ANGPTL8: variants seen among roughly 807,000 people sequenced by gnomAD.
ANGPTL8 encodes the protein angiopoietin-like protein 8.
Under a neutral mutation model 22.6 loss-of-function variants are expected in ANGPTL8, and 24 were observed. That is an observed-to-expected ratio of 1.06 (90% CI 0.77 to 1.49). The LOEUF (loss-of-function observed/expected upper bound fraction) is 1.49, where lower values mean the gene tolerates loss of function less well. ANGPTL8 is among the 40% of genes most tolerant of loss of function. The pLI, the probability that ANGPTL8 is intolerant of heterozygous loss-of-function variation, is 0.00. For synonymous variants in ANGPTL8, 88 were observed against 113.4 expected, an observed-to-expected ratio of 0.78 and a Z score of 1.42; for missense variants, 230 against 259.6, an observed-to-expected ratio of 0.89 and a Z score of 0.78.
Position 11,241,870 on chromosome 19 carries a change from G to A in ANGPTL8, c.*183G>A. ...AAAGGCAGAGGATGTAGCCCCATTG[G>A]GGAGGGGTGGAGGAAGGACATGTAC... On this transcript the variant is annotated 3_prime_UTR_variant, in exon 4 of 4. Transcript: ENST00000252453. The A allele has an allele frequency of 7.9e-7, 1 of 1,268,722 alleles. No individual in the cohort carries two copies. Among genetic ancestry groups the A allele is most frequent in the Non-Finnish European group, 1.1e-6 (1 of 908,166 alleles). 78.6% of individuals were successfully genotyped at this position (1,268,722 alleles called of 1,614,324 possible). A position where few individuals can be genotyped will look rare whatever the true frequency, so the allele number is the denominator to read the frequency against.
rs188425742 is a variant in ANGPTL8 at position 11,240,888 on chromosome 19, G to C, written c.460-557G>C. 9.7e-4 allele frequency among the ~76,000 whole-genome samples: 148 copies of C among 151,858 alleles called. 1 individual carries two copies. Among genetic ancestry groups the C allele is most frequent in the Non-Finnish European group, 1.2e-3 (79 of 67,962 alleles). ...CCTGGCCAATAAATTCTTACTACTA[G>C]AGAAACTGGTAACATTTTGTGAGCA... On this transcript the variant is annotated intron_variant, in intron 2 of 3. Transcript: ENST00000252453.
intron 2 of ANGPTL8, among the ~76,000 whole-genome samples, chr19:11,240,720 C>T (rs1262623730): frequency 6.6e-6 from 1 of 151,812 alleles, no homozygotes; most frequent in East Asian, 1.9e-4. Flanking sequence ...GCTGGAATTA[C>T]AGGTGCACCA....
chr19:11,240,050 A>AT (rs1344679403), intron 1 of ANGPTL8, 85 bp from the exon 2 acceptor site: 1 of 1,548,140 alleles, frequency 6.5e-7, no homozygotes, highest in African/African-American at 1.4e-5. Context: ...GGGATACAAG[A>AT]TTTTCAGCGA....
intron 1 of ANGPTL8, 54 bp from the exon 2 acceptor site, chr19:11,240,080 AG>A: frequency 1.9e-6 from 3 of 1,549,702 alleles, no homozygotes; most frequent in Non-Finnish European, 2.6e-6. Flanking sequence ...GCAAGTCCTT[AG>A]GTACACAAAG....
chr19:11,240,789 C>T (rs184779178), intron 2 of ANGPTL8, among the ~76,000 whole-genome samples: 2 of 150,420 alleles, frequency 1.3e-5, no homozygotes, highest in African/African-American at 4.9e-5. Context: ...AGGCTGGTCT[C>T]GAACTCCTGA....
intron 2 of ANGPTL8, among the ~76,000 whole-genome samples, chr19:11,241,109 G>C (rs1169363398): frequency 2.0e-5 from 3 of 152,076 alleles, no homozygotes; most frequent in African/African-American, 7.2e-5. Context: ...AGCTGGGCGT[G>C]GTGGCACATG....
At chr19:11,240,424 C>T (rs946898724) in intron 2 of ANGPTL8, 128 bp downstream of exon 2, 18 of 952,178 alleles carry the variant, frequency 1.9e-5, no homozygotes, top group Middle Eastern at 3.3e-4. Flanking sequence ...CTGCATGTCC[C>T]CAGACAAAAC....
rs746013489 is a variant in ANGPTL8 at position 11,239,792 on chromosome 19, T to C, written c.155T>C (p.Val52Ala). ...TLQLGQALNG[V>A]YRTTEGRLTK... ...CAGCTGGGCCAGGCCCTCAACGGTG[T>C]GTACAGGACCACGGAGGGACGGCTG... is the stretch of plus-strand genomic sequence containing the variant. Residue 52 changes from valine (V) to alanine (A), a missense_variant, in exon 1 of 4, where the codon GTG becomes GCG. Val to Ala is a moderately conservative substitution (Grantham distance 64, BLOSUM62 0). Coordinates refer to ENST00000252453, the MANE Select transcript of ANGPTL8 (RefSeq NM_018687.7). 3 of 1,609,334 alleles carry C rather than the reference T, an allele frequency of 1.9e-6. No individual in the cohort carries two copies. Among genetic ancestry groups the C allele is most frequent in the Middle Eastern group, 1.7e-4 (1 of 6,044 alleles).
rs200458610 is a variant in ANGPTL8 at position 11,239,669 on chromosome 19, C to A, written c.32C>A (p.Ala11Asp). Residue 11 changes from alanine to aspartate, a missense_variant, in exon 1 of 4, where the codon GCC becomes GAC. Physicochemically the swap from Ala to Asp is moderately radical, Grantham distance 126 (BLOSUM62 -2). Transcript: ENST00000252453. MPVPALCLLWALAMVTRPASA... is the reference protein window; with the variant it reads MPVPALCLLWDLAMVTRPASA... ...GTGCCTGCTCTGTGCCTGCTCTGGG[C>A]CCTGGCAATGGTGACCCGGCCTGCC... The A allele has an allele frequency of 6.1e-5, 99 of 1,613,748 alleles. No individual in the cohort carries two copies. The highest frequency in any genetic ancestry group is 4.7e-4 in the Admixed American group (28 of 60,022).
rs940570679 is a variant in ANGPTL8 at position 11,241,459 on chromosome 19, G to A, written c.474G>A (p.Lys158=). The A allele has an allele frequency of 1.3e-6, 2 of 1,550,050 alleles. No homozygotes were observed. Among genetic ancestry groups the A allele is most frequent in the African/African-American group, 2.7e-5 (2 of 73,128 alleles). ...GACCCCCACAGGCTCACGCTGACAA[G>A]CAGAGCCACATCCTATGGGCCCTCA... The part of the protein sequence containing the change: ...EFEVLKAHAD[K]QSHILWALTG... Residue 158 remains lysine (K), a synonymous_variant, in exon 3 of 4, where the codon AAG becomes AAA. Coordinates refer to ENST00000252453, the MANE Select transcript of ANGPTL8 (RefSeq NM_018687.7).
At chr19:11,240,604 C>CA (rs2079928700) in intron 2 of ANGPTL8, among the ~76,000 whole-genome samples, 1 of 143,532 alleles carries the variant, frequency 7.0e-6, no homozygotes, top group African/African-American at 2.6e-5. Flanking sequence ...TTTTTTGAGA[C>CA]AGAGTCTCAC....
intron 2 of ANGPTL8, among the ~76,000 whole-genome samples, chr19:11,240,819 C>T (rs1457790220): frequency 6.6e-6 from 1 of 151,854 alleles, no homozygotes; most frequent in African/African-American, 2.4e-5. Flanking sequence ...ATCTGCCTGC[C>T]TCGGTTTCCC....
At position 11,241,533 on chromosome 19, in the gene ANGPTL8, G is replaced by A. The variant is rs1487060387; in HGVS notation, c.548G>A (p.Arg183Gln). 1.2e-5 allele frequency: 18 copies of A among 1,552,810 alleles called. No homozygotes were observed. Among genetic ancestry groups the A allele is most frequent in the East Asian group, 2.4e-5 (1 of 40,980 alleles). The change falls in exon 3 of 4, where the codon CGG (arginine) becomes CAG (glutamine). Residue 183 changes from arginine to glutamine, a missense_variant. Physicochemically the swap from Arg to Gln is conservative, Grantham distance 43 (BLOSUM62 1). Coordinates refer to ENST00000252453, the MANE Select transcript of ANGPTL8 (RefSeq NM_018687.7). ...QRREMVAQQH[R>Q]LRQIQERLHT... ...CGGGAGATGGTGGCACAGCAGCATC[G>A]GCTGCGACAGATCCAGGAGAGGTGA...
At chr19:11,239,986 T>A in intron 1 of ANGPTL8, 52 bp downstream of exon 1, 1 of 1,552,208 alleles carries the variant, frequency 6.4e-7, no homozygotes, top group Non-Finnish European at 8.7e-7. Flanking sequence ...CAAAGAGGAG[T>A]TCGTGTCTAG....
rs907827294 is a variant in ANGPTL8 at position 11,241,709 on chromosome 19, G to A, written c.*22G>A. ...CTGAATCTGCCTGGATGGAACTGAGGACCAATCATGCTGCAAGGAACACTT... is the reference window on the plus strand; with the variant it reads ...CTGAATCTGCCTGGATGGAACTGAGAACCAATCATGCTGCAAGGAACACTT... On this transcript the variant is annotated 3_prime_UTR_variant, in exon 4 of 4. Transcript: ENST00000252453. The A allele has an allele frequency of 9.5e-6, 15 of 1,577,312 alleles. No homozygotes were observed. In the South Asian group the frequency reaches 1.5e-4, roughly 16 times the overall value.
At position 11,241,506 on chromosome 19, in the gene ANGPTL8, G is replaced by A. The variant is rs1383647110; in HGVS notation, c.521G>A (p.Arg174Lys). The A allele has an allele frequency of 3.2e-6, 5 of 1,552,868 alleles. No individual in the cohort carries two copies. Among genetic ancestry groups the A allele is most frequent in the Non-Finnish European group, 4.4e-6 (5 of 1,147,730 alleles). ...WALTGHVQRQ[R>K]REMVAQQHRL... ...CTCACAGGCCACGTGCAGCGGCAGA[G>A]GCGGGAGATGGTGGCACAGCAGCAT... The change falls in exon 3 of 4, where the codon AGG (arginine) becomes AAG (lysine). Residue 174 changes from arginine (R) to lysine (K), a missense_variant. Coordinates refer to ENST00000252453, the MANE Select transcript of ANGPTL8 (RefSeq NM_018687.7).
At chr19:11,240,373 A>G in intron 2 of ANGPTL8, 77 bp downstream of exon 2, 1 of 1,401,406 alleles carries the variant, frequency 7.1e-7, no homozygotes, top group Non-Finnish European at 9.5e-7. Context: ...TTGAGTCCCA[A>G]AGACCTCCCA....
Position 11,241,883 on chromosome 19 carries a change from GA to G in ANGPTL8, c.*198del. ...GTAGCCCCATTGGGGAGGGGTGGAG[GA>G]AGGACATGTACCCTTTCATGCCTAC... On this transcript the variant is annotated 3_prime_UTR_variant, in exon 4 of 4. Transcript: ENST00000252453. 1 of 1,248,884 alleles carries G rather than the reference GA, an allele frequency of 8.0e-7. No homozygotes were observed. The allele number at this position is 1,248,884 out of a possible 1,614,324, so 77.4% of individuals were successfully genotyped here.
chr19:11,241,114 C>T (rs1394770401), intron 2 of ANGPTL8, among the ~76,000 whole-genome samples: 2 of 151,526 alleles, frequency 1.3e-5, no homozygotes, highest in African/African-American at 2.4e-5. Flanking sequence ...GGCGTGGTGG[C>T]ACATGCCTGT....
Sources: gnomAD v4.1 joint callset for allele counts (sites outside exome capture counted in the v4.1 genomes callset) on GRCh38, gnomAD v4.1.1 for gene constraint, MANE v1.5 for transcripts, NCBI Gene and HGNC (gene_info 2026-07-23, HGNC 2026-07-21) for gene names.